Variants in FBXL4 observed in about 807,000 individuals in gnomAD.
The protein encoded by FBXL4 is F-box and leucine rich repeat protein 4.
In FBXL4, 40 loss-of-function variants were observed where a neutral mutation model predicts 58.9. The observed-to-expected ratio is 0.68, with a 90% CI of 0.53 to 0.88. The LOEUF (loss-of-function observed/expected upper bound fraction) is 0.88, where lower values mean the gene tolerates loss of function less well. Ranked by LOEUF, FBXL4 falls within the 40% of genes least tolerant of loss-of-function variation. The probability of loss-of-function intolerance (pLI) is 0.00; values close to 1 mark genes in which losing one functional copy is unlikely to be tolerated. For synonymous variants in FBXL4, 263 were observed against 265.5 expected, an observed-to-expected ratio of 0.99 and a Z score of 0.09; for missense variants, 676 against 734.4, an observed-to-expected ratio of 0.92 and a Z score of 0.92.
rs1772567877 is a variant in FBXL4, at chr6:98,921,143, T to G, written c.513-3424A>C. Among the ~76,000 whole-genome samples, 4 of 152,128 alleles carry G rather than the reference T, an allele frequency of 2.6e-5. No homozygotes were observed. The South Asian group carries it at 8.3e-4, about 32-fold the overall frequency. On this transcript the variant is annotated intron_variant, in intron 4 of 9. Coordinates refer to ENST00000369244, the MANE Select transcript of FBXL4 (RefSeq NM_001278716.2). The stretch of plus-strand genomic sequence containing the variant: ...TGGGATAGTAACTAACACAGCCCAT[T>G]TAATGTTCTTTCTGTTGATTGTACT...
intron 5 of FBXL4, among the ~76,000 whole-genome samples, chr6:98,910,874 G>C (rs1159849751): frequency 6.6e-6 from 1 of 152,186 alleles, no homozygotes; most frequent in Non-Finnish European, 1.5e-5. Flanking sequence ...GCAGGGCGAG[G>C]CATTGCCTCA....
At chr6:98,907,949 TATTA>T (rs1190710690) in intron 5 of FBXL4, among the ~76,000 whole-genome samples, 1 of 152,194 alleles carries the variant, frequency 6.6e-6, no homozygotes, top group Non-Finnish European at 1.5e-5. Flanking sequence ...GCTCCTTGGC[TATTA>T]ATTCCCACTT....
chr6:98,874,985 T>C (rs1256828480), intron 9 of FBXL4, among the ~76,000 whole-genome samples: 1 of 152,206 alleles, frequency 6.6e-6, no homozygotes, highest in Non-Finnish European at 1.5e-5. Flanking sequence ...GAACTATTCC[T>C]AAACGCTAGA....
At chr6:98,912,372 T>C (rs1446259659) in intron 5 of FBXL4, among the ~76,000 whole-genome samples, 1 of 151,990 alleles carries the variant, frequency 6.6e-6, no homozygotes, top group African/African-American at 2.4e-5. Flanking sequence ...GACACATAAT[T>C]GTCAGATTCA....
At chr6:98,897,330 T>G (rs1043811238) in intron 7 of FBXL4, 1 of 985,156 alleles carries the variant, frequency 1.0e-6, no homozygotes, top group Non-Finnish European at 1.2e-6. Flanking sequence ...GGGAGTCATT[T>G]CACCACAGAC....
intron 1 of FBXL4, among the ~76,000 whole-genome samples, chr6:98,941,903 G>A (rs1773446195): frequency 6.6e-6 from 1 of 151,912 alleles, no homozygotes; most frequent in African/African-American, 2.4e-5. Context: ...ATAGGTTATA[G>A]GATCCATGAA....
chr6:98,891,463 A>G (rs1371248091), intron 7 of FBXL4, among the ~76,000 whole-genome samples: 1 of 152,190 alleles, frequency 6.6e-6, no homozygotes, highest in Non-Finnish European at 1.5e-5. Flanking sequence ...CTGCAGTCTC[A>G]TTTTGAAGCC....
chr6:98,895,289 C>T (rs570905374), intron 7 of FBXL4, among the ~76,000 whole-genome samples: 32 of 152,216 alleles, frequency 2.1e-4, no homozygotes, highest in African/African-American at 6.7e-4. Flanking sequence ...ACTAAGACTT[C>T]AAACTAAGCT....
At chr6:98,925,230 A>T (rs576195834) in intron 4 of FBXL4, among the ~76,000 whole-genome samples, 35 of 152,368 alleles carry the variant, frequency 2.3e-4, no homozygotes, top group African/African-American at 8.4e-4. Flanking sequence ...AATTGCAAAA[A>T]TATTGAAATT....
chr6:98,920,579 T>A (rs1772542024), intron 4 of FBXL4, among the ~76,000 whole-genome samples: 1 of 152,184 alleles, frequency 6.6e-6, no homozygotes, highest in Non-Finnish European at 1.5e-5. Flanking sequence ...GAATTAACTA[T>A]GAGACCAATA....
At chr6:98,930,375 T>C (rs1019960758) in intron 2 of FBXL4, among the ~76,000 whole-genome samples, 1 of 152,128 alleles carries the variant, frequency 6.6e-6, no homozygotes, top group Non-Finnish European at 1.5e-5. Flanking sequence ...GAGCCGAGAT[T>C]GCACCACTGC....
chr6:98,928,994 T>C (rs1772899127), intron 2 of FBXL4, among the ~76,000 whole-genome samples: 1 of 152,222 alleles, frequency 6.6e-6, no homozygotes, highest in Non-Finnish European at 1.5e-5. Flanking sequence ...CTAGGGTTTA[T>C]ATTAGGAATA....
chr6:98,939,496 G>A (rs572768110), intron 1 of FBXL4, among the ~76,000 whole-genome samples: 1 of 152,270 alleles, frequency 6.6e-6, no homozygotes, highest in Admixed American at 6.5e-5. Flanking sequence ...TTCAATATGA[G>A]ATAAAGTGGT....
At chr6:98,913,539 A>G (rs1393421093) in intron 5 of FBXL4, among the ~76,000 whole-genome samples, 1 of 152,188 alleles carries the variant, frequency 6.6e-6, no homozygotes, top group African/African-American at 2.4e-5. Context: ...CTACATGGAA[A>G]CTGAACAACC....
At chr6:98,880,503 G>A in intron 8 of FBXL4, 50 bp downstream of exon 8, 1 of 1,498,832 alleles carries the variant, frequency 6.7e-7, no homozygotes, top group Non-Finnish European at 9.3e-7. Context: ...CCCATAGGAA[G>A]AAAAAGAGAA....
At chr6:98,890,129 AC>A (rs1485644871) in intron 7 of FBXL4, among the ~76,000 whole-genome samples, 5 of 152,192 alleles carry the variant, frequency 3.3e-5, no homozygotes, top group African/African-American at 1.2e-4. Flanking sequence ...TTTAGCTGTT[AC>A]AACTAGTTTA....
At chr6:98,910,760 G>A (rs547870103) in intron 5 of FBXL4, among the ~76,000 whole-genome samples, 108 of 152,300 alleles carry the variant, frequency 7.1e-4, no homozygotes, top group Non-Finnish European at 1.3e-3. Context: ...CGCATTAGAC[G>A]GGTGATTTCT....
At chr6:98,894,623 C>T (rs1377809942) in intron 7 of FBXL4, among the ~76,000 whole-genome samples, 1 of 152,158 alleles carries the variant, frequency 6.6e-6, no homozygotes, top group African/African-American at 2.4e-5. Flanking sequence ...TATATTTGGG[C>T]TTACTGTATA....
intron 7 of FBXL4, chr6:98,896,870 C>T: frequency 1.0e-6 from 1 of 985,048 alleles, no homozygotes; most frequent in Non-Finnish European, 1.2e-6. Context: ...GATATGAAAT[C>T]TTCTTAATCC....
Sources: gnomAD v4.1 joint callset for allele counts (sites outside exome capture counted in the v4.1 genomes callset) on GRCh38, gnomAD v4.1.1 for gene constraint, MANE v1.5 for transcripts, NCBI Gene and HGNC (gene_info 2026-07-23, HGNC 2026-07-21) for gene names.